The following RXFP1 variants were observed in gnomAD, a reference collection of about 807,000 sequenced individuals.
The protein encoded by RXFP1 is relaxin receptor 1.
In RXFP1, 73 loss-of-function variants were observed where a neutral mutation model predicts 89.8. The observed-to-expected ratio is 0.81, with a 90% confidence interval of 0.67 to 0.99. The LOEUF is 0.99. RXFP1 is among the 50% of genes least tolerant of loss of function. RXFP1 has a pLI of 0.00. For missense variants in RXFP1, 793 were observed against 895.5 expected (o/e 0.89, Z 1.46); for synonymous variants, 277 against 305.5 (o/e 0.91, Z 0.97).
At chr4:158,543,761 C>T in intron 1 of RXFP1, 3 of 985,160 alleles carry the variant, frequency 3.0e-6, no homozygotes, top group Non-Finnish European at 3.6e-6. Context: ...TTTATTAACA[C>T]TCCATCTCCC....
intron 1 of RXFP1, among the ~76,000 whole-genome samples, chr4:158,549,890 T>C (rs1320071222): frequency 6.6e-6 from 1 of 152,132 alleles, no homozygotes; most frequent in Non-Finnish European, 1.5e-5. Context: ...TTAGGCTGCT[T>C]GGGGGTCAGG....
At chr4:158,568,073 C>G (rs912510158) in intron 1 of RXFP1, among the ~76,000 whole-genome samples, 3 of 152,210 alleles carry the variant, frequency 2.0e-5, no homozygotes, top group Admixed American at 2.0e-4. Context: ...TCCGAACACA[C>G]TGCCTTTATG....
Position 158,584,011 on chromosome 4 carries a change from T to C in RXFP1, c.188-9390T>C, listed in dbSNP as rs376986773. Among the ~76,000 whole-genome samples the C allele has an allele frequency of 5.9e-5, 9 of 152,332 alleles. 1 individual carries two copies. The East Asian group carries it at 1.7e-3, about 29-fold the overall frequency. ...GCCTGGCCAGCCTGCATTCCAGCGT[T>C]TACTCTGGTGGCCTAGGGCACCTCT... is the stretch of plus-strand genomic sequence containing the variant. On this transcript the variant is annotated intron_variant, in intron 2 of 17. Transcript: ENST00000307765.
Position 158,576,405 on chromosome 4 carries a change from A to T in RXFP1, c.187+3570A>T, listed in dbSNP as rs149915697. ...GCAAAAACCTGTCTCAATATTTTTT[A>T]AAAAAGAAAAAATAATTATTTTAAA... On this transcript the variant is annotated intron_variant, in intron 2 of 17. Coordinates refer to ENST00000307765, the MANE Select transcript of RXFP1 (RefSeq NM_021634.4). Among the ~76,000 whole-genome samples the T allele has an allele frequency of 3.3e-4, 50 of 152,014 alleles. No individual in the cohort carries two copies. The East Asian group carries it at 7.9e-3, about 24-fold the overall frequency.
intron 8 of RXFP1, among the ~76,000 whole-genome samples, chr4:158,614,986 A>G (rs1764269547): frequency 6.6e-6 from 1 of 152,086 alleles, no homozygotes; most frequent in African/African-American, 2.4e-5. Context: ...CCATGCTGTA[A>G]ACAGATGTGC....
chr4:158,651,853 T>C lies in RXFP1; in HGVS notation c.2072T>C (p.Met691Thr), dbSNP rs748090547. Residue 691 changes from methionine (M) to threonine (T), a missense_variant, in exon 18 of 18, where the codon ATG becomes ACG. Met to Thr is a moderately conservative substitution (Grantham distance 81, BLOSUM62 -1). Transcript: ENST00000307765. ...CTGACCACAAGACCATTTAAAGAAATGATTCATCGGTTTTGGTATAACTAC... is the reference window on the plus strand; with the variant it reads ...CTGACCACAAGACCATTTAAAGAAACGATTCATCGGTTTTGGTATAACTAC... ...YTLTTRPFKE[M>T]IHRFWYNYRQ... 3 of 1,614,020 alleles carry C rather than the reference T, an allele frequency of 1.9e-6. No homozygotes were observed. The highest frequency in any genetic ancestry group is 1.3e-5 in the African/African-American group (1 of 74,928).
intron 15 of RXFP1, chr4:158,646,386 C>A (rs1394613141): frequency 3.9e-6 from 3 of 760,754 alleles, no homozygotes; most frequent in Non-Finnish European, 5.9e-6. Flanking sequence ...GAGCTTGTTG[C>A]GTTGGGAGAA....
chr4:158,604,996 A>G, intron 4 of RXFP1, 72 bp from the exon 5 acceptor site: 1 of 795,574 alleles, frequency 1.3e-6, no homozygotes, highest in Non-Finnish European at 2.1e-6. Context: ...ATAGTTTGTA[A>G]TTATCCCTAT....
chr4:158,527,918 T>C (rs1187184035), intron 1 of RXFP1, among the ~76,000 whole-genome samples: 1 of 152,032 alleles, frequency 6.6e-6, no homozygotes, highest in East Asian at 1.9e-4. Context: ...ATTTCATATG[T>C]AGGACAAAAA....
intron 2 of RXFP1, chr4:158,573,051 C>T: frequency 1.0e-5 from 6 of 581,204 alleles, no homozygotes; most frequent in Non-Finnish European, 1.3e-5. Context: ...GCTCTGTTGC[C>T]AGTCTGGAGT....
chr4:158,636,350 G>A (rs1479608135), intron 12 of RXFP1, among the ~76,000 whole-genome samples: 1 of 152,050 alleles, frequency 6.6e-6, no homozygotes, highest in Non-Finnish European at 1.5e-5. Flanking sequence ...GACTAAATGA[G>A]ATTATTTTAT....
intron 9 of RXFP1, among the ~76,000 whole-genome samples, chr4:158,619,768 C>G (rs1765256325): frequency 6.6e-6 from 1 of 151,872 alleles, no homozygotes; most frequent in South Asian, 2.1e-4. Flanking sequence ...AGGCAAAGGT[C>G]CATTACTTCC....
At position 158,609,449 on chromosome 4, in the gene RXFP1, T is replaced by G. The variant is rs150816715; in HGVS notation, c.536+1406T>G. On this transcript the variant is annotated intron_variant, in intron 6 of 17. Transcript: ENST00000307765. ...CTCAATGTTCCGTTTTATTGAGTTC[T>G]GCCATGCAGCATTCTAGAAGTAACT... 1.2e-3 allele frequency among the ~76,000 whole-genome samples: 183 copies of G among 152,350 alleles called. 5 individuals are homozygous for G. In the East Asian group the frequency reaches 0.032, roughly 27 times the overall value.
intron 1 of RXFP1, 128 bp from the exon 2 acceptor site, chr4:158,572,570 A>G (rs1688388755): frequency 4.9e-6 from 4 of 821,588 alleles, no homozygotes; most frequent in South Asian, 4.9e-5. Context: ...AATAACTGGC[A>G]TCAGGGTTGT....
chr4:158,626,025 T>G (rs1766630317), intron 9 of RXFP1, among the ~76,000 whole-genome samples: 1 of 151,930 alleles, frequency 6.6e-6, no homozygotes, highest in African/African-American at 2.4e-5. Context: ...TTTGATACAT[T>G]TTTATGCTTA....
intron 4 of RXFP1, among the ~76,000 whole-genome samples, chr4:158,603,751 G>A (rs964232360): frequency 1.3e-5 from 2 of 151,828 alleles, no homozygotes; most frequent in African/African-American, 2.4e-5. Context: ...TTAGCCAAGC[G>A]TGGTGGCGCA....
At chr4:158,596,903 C>T (rs544114251) in intron 3 of RXFP1, among the ~76,000 whole-genome samples, 1 of 152,016 alleles carries the variant, frequency 6.6e-6, no homozygotes, top group Admixed American at 6.6e-5. Context: ...TTTGCGTGAT[C>T]CTGCACCCTG....
At chr4:158,580,850 T>G (rs1288414188) in intron 2 of RXFP1, among the ~76,000 whole-genome samples, 1 of 152,176 alleles carries the variant, frequency 6.6e-6, no homozygotes, top group Non-Finnish European at 1.5e-5. Context: ...CAGACTGGAG[T>G]GCAATGGCGC....
At chr4:158,565,043 T>C (rs747432767) in intron 1 of RXFP1, among the ~76,000 whole-genome samples, 1 of 152,090 alleles carries the variant, frequency 6.6e-6, no homozygotes. Context: ...GGAGTTCCAC[T>C]GGGGTGAGAA....
Sources: allele counts gnomAD v4.1 joint callset (sites outside exome capture counted in the v4.1 genomes callset), GRCh38; gene constraint gnomAD v4.1.1; transcripts MANE v1.5; gene names NCBI Gene and HGNC (gene_info 2026-07-23, HGNC 2026-07-21).